QTMAN: variants seen among roughly 807,000 people sequenced by gnomAD.
The protein encoded by QTMAN is queuosine-tRNA mannosyltransferase, also known as tRNA-queuosine alpha-mannosyltransferase.
the QTMAN span, among the ~76,000 whole-genome samples, chr2:144,117,841 C>T: frequency 5.3e-5 from 8 of 151,492 alleles, no homozygotes; most frequent in South Asian, 2.1e-4. Flanking sequence ...TTTATTTATT[C>T]ATTTATTTAT....
chr2:144,054,738 A>T, the QTMAN span, among the ~76,000 whole-genome samples: 1 of 152,234 alleles, frequency 6.6e-6, no homozygotes, highest in South Asian at 2.1e-4. Context: ...CTGTTCTGGG[A>T]TCAGCACTCC....
At chr2:144,263,019 G>A in the QTMAN span, among the ~76,000 whole-genome samples, 2 of 134,090 alleles carry the variant, frequency 1.5e-5, no homozygotes, top group African/African-American at 2.7e-5. Flanking sequence ...GAGGGGAGGG[G>A]AGGGGAGGGA....
chr2:144,061,804 C>G, the QTMAN span, among the ~76,000 whole-genome samples: 4 of 152,062 alleles, frequency 2.6e-5, no homozygotes, highest in Admixed American at 1.3e-4. Context: ...AAACCCCAGG[C>G]TCCAAGAGCA....
the QTMAN span, among the ~76,000 whole-genome samples, chr2:144,240,365 C>A: frequency 6.6e-6 from 1 of 152,108 alleles, no homozygotes; most frequent in African/African-American, 2.4e-5. Context: ...TATATATTTA[C>A]CAACTGAATC....
chr2:144,123,371 A>C, the QTMAN span, among the ~76,000 whole-genome samples: 2 of 152,146 alleles, frequency 1.3e-5, no homozygotes, highest in Non-Finnish European at 2.9e-5. Context: ...TTTCACTCTA[A>C]GGCATTTTTT....
At chr2:144,111,748 A>G in the QTMAN span, among the ~76,000 whole-genome samples, 1 of 152,152 alleles carries the variant, frequency 6.6e-6, no homozygotes, top group African/African-American at 2.4e-5. Flanking sequence ...AGTTCTCAGC[A>G]TGTTATACAG....
the QTMAN span, among the ~76,000 whole-genome samples, chr2:143,977,747 C>T: frequency 6.6e-6 from 1 of 152,158 alleles, no homozygotes; most frequent in Non-Finnish European, 1.5e-5. Context: ...GGCCATGATA[C>T]AGAAATTAAG....
At chr2:144,107,939 G>T in the QTMAN span, among the ~76,000 whole-genome samples, 1 of 152,190 alleles carries the variant, frequency 6.6e-6, no homozygotes, top group South Asian at 2.1e-4. Flanking sequence ...GGGATGCAAA[G>T]CTGGTTCAAC....
the QTMAN span, chr2:144,179,077 A>T: frequency 2.6e-6 from 1 of 379,536 alleles, no homozygotes; most frequent in South Asian, 2.1e-5. Context: ...ATACTTACAT[A>T]TAGTCAAGTC....
chr2:144,209,781 C>T, the QTMAN span, among the ~76,000 whole-genome samples: 4 of 152,074 alleles, frequency 2.6e-5, no homozygotes, highest in Non-Finnish European at 5.9e-5. Flanking sequence ...TGCATAAATG[C>T]TATATTGCTT....
At chr2:143,977,867 A>T in the QTMAN span, among the ~76,000 whole-genome samples, 1 of 152,164 alleles carries the variant, frequency 6.6e-6, no homozygotes, top group Non-Finnish European at 1.5e-5. Flanking sequence ...CAAAACTCAA[A>T]GTCCATGAGC....
At chr2:144,231,451 TATA>T in the QTMAN span, among the ~76,000 whole-genome samples, 57 of 152,240 alleles carry the variant, frequency 3.7e-4, no homozygotes, top group African/African-American at 1.1e-3. Context: ...TTTTTACAAA[TATA>T]ATGATTAAGT....
the QTMAN span, among the ~76,000 whole-genome samples, chr2:144,051,307 G>A: frequency 1.3e-5 from 2 of 152,074 alleles, no homozygotes; most frequent in African/African-American, 2.4e-5. Context: ...AAAGTAGGAG[G>A]ACTACTTGAG....
chr2:143,965,697 C>T, the QTMAN span, among the ~76,000 whole-genome samples: 1 of 152,186 alleles, frequency 6.6e-6, no homozygotes, highest in Admixed American at 6.5e-5. Flanking sequence ...GGAGCACCAC[C>T]CCATTGCACA....
At chr2:143,952,105 ACAAAAACCT>A in the QTMAN span, 1 of 1,274,128 alleles carries the variant, frequency 7.8e-7, no homozygotes, top group Non-Finnish European at 1.1e-6. Flanking sequence ...TTTTAATGAA[ACAAAAACCT>A]CAAAGCACAC....
At chr2:144,326,965 C>T in the QTMAN span, among the ~76,000 whole-genome samples, 1 of 152,174 alleles carries the variant, frequency 6.6e-6, no homozygotes, top group African/African-American at 2.4e-5. Context: ...TGGCTCATAA[C>T]TACCACAGCC....
chr2:143,947,061 T>A, the QTMAN span: 1 of 1,612,356 alleles, frequency 6.2e-7, no homozygotes, highest in Admixed American at 1.7e-5. Flanking sequence ...GTCACAAATC[T>A]TCCCTAGGTT....
the QTMAN span, among the ~76,000 whole-genome samples, chr2:144,196,216 CA>C: frequency 5.3e-5 from 2 of 37,478 alleles, no homozygotes; most frequent in Non-Finnish European, 1.0e-4. Context: ...CACATAGCCA[CA>C]CACACACACA....
chr2:144,114,529 C>T, the QTMAN span, among the ~76,000 whole-genome samples: 1 of 152,146 alleles, frequency 6.6e-6, no homozygotes, highest in African/African-American at 2.4e-5. Flanking sequence ...TTCTTCAGTA[C>T]ACTTCACTTT....
Sources: allele counts gnomAD v4.1 joint callset (sites outside exome capture counted in the v4.1 genomes callset), GRCh38; gene constraint gnomAD v4.1.1; transcripts MANE v1.5; gene names NCBI Gene and HGNC (gene_info 2026-07-23, HGNC 2026-07-21).